DNAJC16: variants seen among roughly 807,000 people sequenced by gnomAD.
The protein encoded by DNAJC16 is DnaJ heat shock protein family (Hsp40) member C16.
Under a neutral mutation model 92.7 loss-of-function variants are expected in DNAJC16, and 76 were observed. The observed-to-expected ratio is 0.82, with a 90% CI of 0.68 to 0.99. The LOEUF is 0.99. Ranked by LOEUF, DNAJC16 falls within the 50% of genes least tolerant of loss-of-function variation. The probability of loss-of-function intolerance (pLI) is 0.00; values close to 1 mark genes in which losing one functional copy is unlikely to be tolerated. For synonymous variants in DNAJC16, 328 were observed against 358.7 expected (o/e 0.91, Z 0.97); for missense variants, 869 against 942.4 (o/e 0.92, Z 1.02).
chr1:15,564,283 G>A lies in DNAJC16; in HGVS notation c.1522G>A (p.Val508Ile), dbSNP rs368247216. 5.0e-6 allele frequency: 8 copies of A among 1,605,390 alleles called. No individual in the cohort carries two copies. The African/African-American group carries it at 5.4e-5, about 11-fold the overall frequency. The change falls in exon 11 of 15, where the codon GTT becomes ATT. Residue 508 changes from valine to isoleucine, a missense_variant and splice_region_variant. Physicochemically the swap from Val to Ile is conservative, Grantham distance 29. Transcript: ENST00000375847. The part of the protein sequence containing the change: ...LPDLTDELAP[V>I]FLLRWFYSAS... ...CATCATCCATTTTCTCTCTACATAG[G>A]TTTTTCTCCTTCGATGGTTCTACTC...
intron 7 of DNAJC16, 31 bp downstream of exon 7, chr1:15,548,459 C>A: frequency 6.3e-7 from 1 of 1,577,190 alleles, no homozygotes; most frequent in Admixed American, 1.8e-5. Flanking sequence ...TTAAGATTTT[C>A]TTCACATTTT....
rs377498367 is a variant in DNAJC16, at chr1:15,569,631, C to CTTTTTTTTTTTT, written c.*1462_*1473dup. 2 of 126,774 alleles carry CTTTTTTTTTTTT rather than the reference C, an allele frequency of 1.6e-5. No homozygotes were observed. The highest frequency in any genetic ancestry group is 1.7e-5 in the Non-Finnish European group (1 of 60,454). 7.9% of individuals were successfully genotyped at this position (126,774 alleles called of 1,614,324 possible). A position where few individuals can be genotyped will look rare whatever the true frequency, so the allele number is the denominator to read the frequency against. On this transcript the variant is annotated 3_prime_UTR_variant, in exon 15 of 15. Coordinates refer to ENST00000375847, the MANE Select transcript of DNAJC16 (RefSeq NM_015291.4). ...GTGATGGGACATTTACTAAGTATTT[C>CTTTTTTTTTTTT]TTTTTTTTTTTTTTTTTTTAGTTGT... is the stretch of plus-strand genomic sequence containing the variant.
intron 4 of DNAJC16, 114 bp from the exon 5 acceptor site, chr1:15,544,285 A>G: frequency 9.6e-7 from 1 of 1,044,988 alleles, no homozygotes; most frequent in Non-Finnish European, 1.4e-6. Flanking sequence ...CTATTAGGAA[A>G]GACATCTCCT....
intron 6 of DNAJC16, among the ~76,000 whole-genome samples, chr1:15,547,573 G>T (rs565480501): frequency 6.6e-6 from 1 of 151,852 alleles, no homozygotes; most frequent in East Asian, 1.9e-4. Flanking sequence ...CTCCAGAGTA[G>T]CTGGGACTGC....
In DNAJC16 at chr1:15,543,136, A is replaced by T. The variant is rs144934504; in HGVS notation, c.575-1263A>T. Reference sequence around the variant, plus strand: ...CTACAAAGGGATCCCTATCTTCATGAGGCTTACATTCTAGAAGGGGAGACA... The same window carrying T: ...CTACAAAGGGATCCCTATCTTCATGTGGCTTACATTCTAGAAGGGGAGACA... On this transcript the variant is annotated intron_variant, in intron 4 of 14. Transcript: ENST00000375847. Among the ~76,000 whole-genome samples, 1,025 of 152,318 alleles carry T rather than the reference A, an allele frequency of 6.7e-3. 8 individuals carry two copies. The highest frequency in any genetic ancestry group is 8.7e-3 in the Non-Finnish European group (591 of 68,028).
chr1:15,563,230 AT>A (rs1638730286), intron 9 of DNAJC16, among the ~76,000 whole-genome samples: 1 of 152,114 alleles, frequency 6.6e-6, no homozygotes, highest in Admixed American at 6.6e-5. Flanking sequence ...GAAAGTCACC[AT>A]AAAAGTTATT....
In DNAJC16 at chr1:15,562,264, G is replaced by A. The variant is rs550650818; in HGVS notation, c.1277G>A (p.Arg426Gln). The A allele has an allele frequency of 5.0e-5, 80 of 1,614,014 alleles. No homozygotes were observed. The South Asian group carries it at 7.5e-4, about 15-fold the overall frequency. ...TVRFVHVYSN[R>Q]QQEFADTLLP... ...AGATTTGTGCATGTCTACAGCAATC[G>A]GCAGCAGGAGTTTGCCGACACCTTA... is the stretch of plus-strand genomic sequence containing the variant. Residue 426 changes from arginine to glutamine, a missense_variant, in exon 9 of 15, where the codon CGG (arginine) becomes CAG (glutamine). Arg to Gln is a conservative substitution (Grantham distance 43, BLOSUM62 1). Transcript: ENST00000375847.
At chr1:15,530,697 T>C (rs567874273) in intron 2 of DNAJC16, among the ~76,000 whole-genome samples, 5 of 147,514 alleles carry the variant, frequency 3.4e-5, no homozygotes, top group Admixed American at 6.7e-5. Context: ...CAGTATCTCT[T>C]TTTTTTTTGA....
At chr1:15,547,145 T>G (rs1341381583) in intron 6 of DNAJC16, among the ~76,000 whole-genome samples, 1 of 150,890 alleles carries the variant, frequency 6.6e-6, no homozygotes, top group South Asian at 2.1e-4. Flanking sequence ...TATCCCTGTT[T>G]CTTTTTTTTT....
Position 15,564,028 on chromosome 1 carries a change from GGCTATCTCGACC to G in DNAJC16, c.1439_1450del (p.Gly480_Gln484delinsGlu), listed in dbSNP as rs771023862. Reference sequence around the variant, plus strand: ...TGAGAGTGACAAATTTATCCTCTTGGGCTATCTCGACCAGCTGCGTAAAGATCCAGCTCTTCT... The same window carrying G: ...TGAGAGTGACAAATTTATCCTCTTGGAGCTGCGTAAAGATCCAGCTCTTCT... On this transcript the variant is annotated inframe_deletion, in exon 10 of 15. Coordinates refer to ENST00000375847, the MANE Select transcript of DNAJC16 (RefSeq NM_015291.4). 1.1e-4 allele frequency: 180 copies of G among 1,613,986 alleles called. No homozygotes were observed. The highest frequency in any genetic ancestry group is 1.5e-4 in the Non-Finnish European group (178 of 1,180,016).
intron 11 of DNAJC16, 193 bp from the exon 12 acceptor site, chr1:15,565,724 CTG>C: frequency 3.3e-6 from 2 of 614,286 alleles, no homozygotes; most frequent in Non-Finnish European, 5.8e-6. Context: ...AATAAGCTGT[CTG>C]TGAATTAGAA....
chr1:15,533,622 T>A lies in DNAJC16; in HGVS notation c.168-615T>A, dbSNP rs1313091792. On this transcript the variant is annotated intron_variant, in intron 2 of 14. Transcript: ENST00000375847. The stretch of plus-strand genomic sequence containing the variant: ...CAGTCTGGGCAACAGAGTGAGACCC[T>A]GTCTCAAAAAAAACAAAAAAACAAA... Among the ~76,000 whole-genome samples the A allele has an allele frequency of 3.9e-5, 6 of 152,010 alleles. No homozygotes were observed. In the East Asian group the frequency reaches 1.2e-3, roughly 29 times the overall value.
intron 11 of DNAJC16, chr1:15,565,274 C>A (rs1239771485): frequency 6.5e-6 from 1 of 152,918 alleles, no homozygotes; most frequent in Non-Finnish European, 1.5e-5. Context: ...GGGCCTGACA[C>A]ACGTGGAGTC....
intron 4 of DNAJC16, among the ~76,000 whole-genome samples, 172 bp downstream of exon 4, chr1:15,536,986 G>A (rs1465144935): frequency 2.0e-5 from 3 of 152,138 alleles, no homozygotes; most frequent in Middle Eastern, 3.4e-3. Flanking sequence ...GAGTAGTTGG[G>A]ATTACAGGCA....
In DNAJC16 at chr1:15,536,607, G is replaced by T; in HGVS notation, c.367G>T (p.Glu123Ter). The T allele has an allele frequency of 6.2e-7, 1 of 1,614,144 alleles. No individual in the cohort carries two copies. Among genetic ancestry groups the T allele is most frequent in the South Asian group, 1.1e-5 (1 of 91,086 alleles). ...TTTCCATGAAAATTTTTATTTTGAT[G>T]AATCCTTTTTTCACTTCCCTTTTAA... ...RHFHENFYFD[E>*]SFFHFPFNSE... Residue 123 changes from glutamate (E) to a stop codon, truncating the protein, a stop_gained, in exon 4 of 15, where the codon GAA becomes TAA. Coordinates refer to ENST00000375847, the MANE Select transcript of DNAJC16 (RefSeq NM_015291.4). LOFTEE classifies it high-confidence loss of function.
chr1:15,559,502 A>G, intron 7 of DNAJC16, 24 bp from the exon 8 acceptor site: 1 of 1,613,576 alleles, frequency 6.2e-7, no homozygotes, highest in Non-Finnish European at 8.5e-7. Flanking sequence ...CATAAAATCT[A>G]GCTGATTCTT....
At chr1:15,564,380 A>G in intron 11 of DNAJC16, 21 bp downstream of exon 11, 1 of 1,502,600 alleles carries the variant, frequency 6.7e-7, no homozygotes, top group Non-Finnish European at 9.3e-7. Flanking sequence ...TGCCAGGCTG[A>G]ATTTCTTTTT....
At chr1:15,533,179 A>G (rs961883441) in intron 2 of DNAJC16, among the ~76,000 whole-genome samples, 18 of 152,234 alleles carry the variant, frequency 1.2e-4, no homozygotes, top group African/African-American at 4.1e-4. Flanking sequence ...AATTAAACCT[A>G]GCCCTTACTA....
chr1:15,534,445 T>C (rs1310300442), intron 3 of DNAJC16, 142 bp downstream of exon 3: 2 of 819,994 alleles, frequency 2.4e-6, no homozygotes, highest in South Asian at 2.0e-5. Flanking sequence ...GAGAACAGGC[T>C]GGATGCGGTG....
Sources: gnomAD v4.1 joint callset for allele counts (sites outside exome capture counted in the v4.1 genomes callset) on GRCh38, gnomAD v4.1.1 for gene constraint, MANE v1.5 for transcripts, NCBI Gene and HGNC (gene_info 2026-07-23, HGNC 2026-07-21) for gene names.